The following NUP93 variants were observed in gnomAD, a reference collection of about 807,000 sequenced individuals.
NUP93 encodes nucleoporin 93.
In NUP93, 55 loss-of-function variants were observed where a neutral mutation model predicts 107.8. The observed-to-expected ratio is 0.51, with a 90% CI of 0.41 to 0.64. The LOEUF is 0.64. NUP93 is among the 30% of genes least tolerant of loss of function. The probability of loss-of-function intolerance (pLI) is 0.00; values close to 1 mark genes in which losing one functional copy is unlikely to be tolerated. For missense variants in NUP93, 937 were observed against 1,044.7 expected, an observed-to-expected ratio of 0.90 and a Z score of 1.42; for synonymous variants, 390 against 397.5, an observed-to-expected ratio of 0.98 and a Z score of 0.22.
intron 2 of NUP93, among the ~76,000 whole-genome samples, chr16:56,755,291 G>C (rs1415093859): frequency 2.0e-5 from 3 of 152,154 alleles, no homozygotes; most frequent in Non-Finnish European, 4.4e-5. Flanking sequence ...CAATAAAAAG[G>C]AGTGAAGTAC....
intron 1 of NUP93, among the ~76,000 whole-genome samples, chr16:56,743,939 TC>T (rs1236348580): frequency 6.6e-6 from 1 of 152,226 alleles, no homozygotes; most frequent in Admixed American, 6.5e-5. Flanking sequence ...TGCGATGCTC[TC>T]TGAAGTGCCT....
In NUP93 at chr16:56,758,217, T is replaced by C. The variant is rs1417053589; in HGVS notation, c.180-321T>C. The stretch of plus-strand genomic sequence containing the variant: ...CATAAAATGGGGATGAATGATAGCA[T>C]GCACCTCATGGGTTTCTTTACTATG... On this transcript the variant is annotated intron_variant, in intron 2 of 21. Coordinates refer to ENST00000308159, the MANE Select transcript of NUP93 (RefSeq NM_014669.5). 2.6e-5 allele frequency among the ~76,000 whole-genome samples: 4 copies of C among 152,316 alleles called. No homozygotes were observed. In the South Asian group the frequency reaches 8.3e-4, roughly 32 times the overall value.
At chr16:56,813,397 A>G (rs1250113762) in intron 5 of NUP93, among the ~76,000 whole-genome samples, 2 of 152,226 alleles carry the variant, frequency 1.3e-5, no homozygotes, top group Non-Finnish European at 2.9e-5. Flanking sequence ...CAGTTTGAAA[A>G]CTGCAGACCA....
chr16:56,782,489 A>G (rs1452127127), intron 3 of NUP93: 1 of 152,492 alleles, frequency 6.6e-6, no homozygotes, highest in Non-Finnish European at 1.5e-5. Flanking sequence ...GGTTATTGGG[A>G]TTTTTGTGAA....
At chr16:56,736,906 A>G (rs367843975) in intron 1 of NUP93, among the ~76,000 whole-genome samples, 2 of 152,366 alleles carry the variant, frequency 1.3e-5, no homozygotes, top group African/African-American at 4.8e-5. Context: ...TGACAAGGGA[A>G]TCAAATGAAA....
intron 10 of NUP93, 22 bp from the exon 11 acceptor site, chr16:56,831,820 G>C (rs759193864): frequency 1.2e-6 from 2 of 1,611,926 alleles, no homozygotes; most frequent in Non-Finnish European, 1.7e-6. Context: ...GTATCTATCT[G>C]TCTGTTCCCT....
intron 2 of NUP93, among the ~76,000 whole-genome samples, chr16:56,753,592 T>C (rs1276354117): frequency 6.6e-6 from 1 of 152,216 alleles, no homozygotes; most frequent in Non-Finnish European, 1.5e-5. Flanking sequence ...TTAACAAGCT[T>C]TCCAGGTGAT....
intron 18 of NUP93, among the ~76,000 whole-genome samples, chr16:56,838,436 G>A (rs1963955925): frequency 6.6e-6 from 1 of 152,176 alleles, no homozygotes; most frequent in Non-Finnish European, 1.5e-5. Flanking sequence ...TTCATGTGGT[G>A]GAGTACCTGT....
At position 56,803,142 on chromosome 16, in the gene NUP93, T is replaced by G. The variant is rs554615327; in HGVS notation, c.361-2362T>G. On this transcript the variant is annotated intron_variant, in intron 4 of 21. Transcript: ENST00000308159. ...TGGTTTGCTTCCTCCTATGAAAGTT[T>G]AGTGTTTCTTTAAAAAATCAAATCA... Among the ~76,000 whole-genome samples, 116 of 152,308 alleles carry G rather than the reference T, an allele frequency of 7.6e-4. 1 individual carries two copies. The highest frequency in any genetic ancestry group is 1.6e-3 in the Admixed American group (24 of 15,300).
intron 1 of NUP93, among the ~76,000 whole-genome samples, 173 bp downstream of exon 1, chr16:56,730,384 G>T (rs1409410649): frequency 6.6e-6 from 1 of 152,144 alleles, no homozygotes; most frequent in Non-Finnish European, 1.5e-5. Context: ...TTGTCGAGCC[G>T]CCCCCGAGGC....
chr16:56,820,626 A>G (rs551859788), intron 6 of NUP93, among the ~76,000 whole-genome samples: 8 of 152,334 alleles, frequency 5.3e-5, no homozygotes, highest in Non-Finnish European at 8.8e-5. Context: ...GAAACCGTTT[A>G]ATCTTCATAA....
intron 1 of NUP93, among the ~76,000 whole-genome samples, chr16:56,734,192 C>T (rs1220473955): frequency 1.3e-5 from 2 of 152,100 alleles, no homozygotes; most frequent in Non-Finnish European, 2.9e-5. Flanking sequence ...GTAGAGTGGA[C>T]GGTGGGGCTG....
At chr16:56,824,181 C>T (rs751787483) in intron 8 of NUP93, among the ~76,000 whole-genome samples, 11 of 152,186 alleles carry the variant, frequency 7.2e-5, no homozygotes, top group Non-Finnish European at 1.5e-4. Context: ...TCAGCCATTA[C>T]TCCTTAGGCT....
Position 56,821,589 on chromosome 16 carries a change from A to T in NUP93, c.650A>T (p.Asp217Val), listed in dbSNP as rs746271983. 1.9e-6 allele frequency: 3 copies of T among 1,608,042 alleles called. No homozygotes were observed. The highest frequency in any genetic ancestry group is 2.2e-5 in the South Asian group (2 of 90,904). ...DLCASVAELD[D>V]KSISDMWTMV... ...TGTGCTTCCGTCGCAGAGCTCGATG[A>T]TAAGGTAGCACCTAGAGCTAACTCA... Residue 217 changes from aspartate to valine, a missense_variant, in exon 7 of 22, where the codon GAT becomes GTT. Coordinates refer to ENST00000308159, the MANE Select transcript of NUP93 (RefSeq NM_014669.5).
rs28576041 is a variant in NUP93, at chr16:56,836,659, C to T, written c.1841C>T (p.Ser614Phe). 6.2e-7 allele frequency: 1 copy of T among 1,614,138 alleles called. No individual in the cohort carries two copies. Among genetic ancestry groups the T allele is most frequent in the Non-Finnish European group, 8.5e-7 (1 of 1,179,990 alleles). ...AAGCCTATTATCAACAAAGTTGCTT[C>T]TGTGGCAGAAAATAAAGGACTGTTT... ...DTKPIINKVA[S>F]VAENKGLFEE... is the part of the protein sequence containing the mutation. The change falls in exon 17 of 22, where the codon TCT (serine) becomes TTT (phenylalanine). Residue 614 changes from serine to phenylalanine, a missense_variant. Coordinates refer to ENST00000308159, the MANE Select transcript of NUP93 (RefSeq NM_014669.5).
chr16:56,805,638 T>C lies in NUP93; in HGVS notation c.489+6T>C. On this transcript the variant is annotated splice_donor_region_variant and intron_variant, in intron 5 of 21. Coordinates refer to ENST00000308159, the MANE Select transcript of NUP93 (RefSeq NM_014669.5). Reference sequence around the variant, plus strand: ...ACTTTACTCAAGAAAGCGAGGTAGCTTGAATGCAAAAGATAAACTACTGTT... The same window carrying C: ...ACTTTACTCAAGAAAGCGAGGTAGCCTGAATGCAAAAGATAAACTACTGTT... The C allele has an allele frequency of 6.2e-7, 1 of 1,612,488 alleles. No homozygotes were observed. Among genetic ancestry groups the C allele is most frequent in the Non-Finnish European group, 8.5e-7 (1 of 1,178,846 alleles).
At chr16:56,740,318 C>T (rs1253728928) in intron 1 of NUP93, among the ~76,000 whole-genome samples, 899 of 138,074 alleles carry the variant, frequency 6.5e-3, no homozygotes, top group African/African-American at 0.015. Flanking sequence ...ACGGGGCGGC[C>T]GGGCAGAGAC....
intron 3 of NUP93, among the ~76,000 whole-genome samples, chr16:56,762,440 T>C (rs755162679): frequency 2.6e-5 from 4 of 152,174 alleles, no homozygotes; most frequent in Non-Finnish European, 4.4e-5. Context: ...AAGAGTGGAA[T>C]TGGAATGTTT....
rs764377297 is a variant in NUP93, at chr16:56,823,796, G to T, written c.744G>T (p.Val248=). 21 of 1,614,180 alleles carry T rather than the reference G, an allele frequency of 1.3e-5. No individual in the cohort carries two copies. The highest frequency in any genetic ancestry group is 5.0e-5 in the Admixed American group (3 of 60,032). The change falls in exon 8 of 22, where the codon GTG becomes GTT. Residue 248 remains valine, a synonymous_variant. Transcript: ENST00000308159. Reference sequence around the variant, plus strand: ...ATGCCCTGAAGAACCGCAGCAGCGTGGAAGTGCGCATGGAGTTTGTCAGGC... The same window carrying T: ...ATGCCCTGAAGAACCGCAGCAGCGTTGAAGTGCGCATGGAGTTTGTCAGGC... ...ATDALKNRSS[V]EVRMEFVRQA... is the part of the protein sequence containing the mutation.
Sources: allele counts gnomAD v4.1 joint callset (sites outside exome capture counted in the v4.1 genomes callset), GRCh38; gene constraint gnomAD v4.1.1; transcripts MANE v1.5; gene names NCBI Gene and HGNC (gene_info 2026-07-23, HGNC 2026-07-21).